Variants in POLN observed in about 807,000 individuals in gnomAD.
POLN encodes the protein DNA polymerase N.
POLN carries 108 observed loss-of-function variants against 113.5 expected under a neutral mutation model. That is an observed-to-expected ratio of 0.95 (90% CI 0.81 to 1.12). The LOEUF (loss-of-function observed/expected upper bound fraction) is 1.12. Ranked by LOEUF, POLN falls within the 50% of genes most tolerant of loss-of-function variation. The pLI is 0.00. For missense variants in POLN, 1,097 were observed against 1,077.1 expected (o/e 1.02, Z -0.26); for synonymous variants, 386 against 391.5 (o/e 0.99, Z 0.17).
intron 13 of POLN, among the ~76,000 whole-genome samples, chr4:2,168,468 G>A (rs940933170): frequency 2.6e-5 from 4 of 152,264 alleles, no homozygotes; most frequent in African/African-American, 2.4e-5. Context: ...AAATCAAAGA[G>A]TGAGGCTAAT....
At chr4:2,200,378 T>A (rs1733682157) in intron 5 of POLN, among the ~76,000 whole-genome samples, 1 of 152,200 alleles carries the variant, frequency 6.6e-6, no homozygotes, top group Admixed American at 6.5e-5. Flanking sequence ...GAGGCTTGCA[T>A]CGTGAACTTT....
At chr4:2,215,682 A>G (rs903079309) in intron 3 of POLN, among the ~76,000 whole-genome samples, 2 of 152,120 alleles carry the variant, frequency 1.3e-5, no homozygotes, top group African/African-American at 4.8e-5. Context: ...GGCATATGGG[A>G]ACCACAGTGC....
At position 2,242,093 on chromosome 4, in the gene POLN, C is replaced by T. The variant is rs1735013666; in HGVS notation, c.-326G>A. On this transcript the variant is annotated 5_prime_UTR_variant, in exon 1 of 26. Coordinates refer to ENST00000511885, the MANE Select transcript of POLN (RefSeq NM_181808.4). ...GCTTCTCGCAGGAGCCCGCCGCCAC[C>T]GCCCTCCGTGCCCCGCGCGCCTCGC... 6 of 985,912 alleles carry T rather than the reference C, an allele frequency of 6.1e-6. No individual in the cohort carries two copies. Among genetic ancestry groups the T allele is most frequent in the Middle Eastern group, 5.2e-4 (1 of 1,918 alleles). 61.1% of individuals were successfully genotyped at this position (985,912 alleles called of 1,614,324 possible).
intron 9 of POLN, 115 bp downstream of exon 9, chr4:2,176,151 T>C: frequency 1.2e-6 from 1 of 828,122 alleles, no homozygotes; most frequent in South Asian, 1.5e-5. Flanking sequence ...TAATTTGTTC[T>C]TAGAACTCAA....
At chr4:2,112,366 G>C (rs1441278973) in intron 19 of POLN, among the ~76,000 whole-genome samples, 1 of 150,904 alleles carries the variant, frequency 6.6e-6, no homozygotes, top group Non-Finnish European at 1.5e-5. Flanking sequence ...AATGGCAACA[G>C]AAGCCAAAAT....
At chr4:2,133,750 C>T (rs1489883953) in intron 16 of POLN, among the ~76,000 whole-genome samples, 1 of 152,128 alleles carries the variant, frequency 6.6e-6, no homozygotes, top group East Asian at 1.9e-4. Context: ...CCCCCTGCCC[C>T]CCAACAACTT....
At chr4:2,215,317 C>T (rs940477288) in intron 3 of POLN, among the ~76,000 whole-genome samples, 8 of 152,078 alleles carry the variant, frequency 5.3e-5, no homozygotes, top group South Asian at 4.1e-4. Flanking sequence ...CAAATCTCCC[C>T]GCTTATGCAC....
At chr4:2,193,850 C>T (rs888479800) in intron 6 of POLN, among the ~76,000 whole-genome samples, 2 of 152,224 alleles carry the variant, frequency 1.3e-5, no homozygotes, top group Non-Finnish European at 2.9e-5. Flanking sequence ...ATTCCCCAGG[C>T]AGGGGGCTGC....
chr4:2,145,401 A>G (rs895370002), intron 16 of POLN, among the ~76,000 whole-genome samples: 1 of 152,216 alleles, frequency 6.6e-6, no homozygotes, highest in Non-Finnish European at 1.5e-5. Context: ...AGATAATTAT[A>G]TAAGGGCACA....
chr4:2,148,966 C>A (rs1316254746), intron 16 of POLN, among the ~76,000 whole-genome samples: 1 of 152,068 alleles, frequency 6.6e-6, no homozygotes, highest in Non-Finnish European at 1.5e-5. Context: ...GCAAAAATAA[C>A]TTTCAAAAAC....
chr4:2,159,092 C>G, intron 14 of POLN, 63 bp downstream of exon 14: 1 of 1,232,346 alleles, frequency 8.1e-7, no homozygotes, highest in African/African-American at 1.5e-5. Flanking sequence ...TGTTGACAGA[C>G]ACAGGGCCAT....
intron 3 of POLN, among the ~76,000 whole-genome samples, chr4:2,220,403 G>C (rs756131399): frequency 1.3e-5 from 2 of 152,184 alleles, no homozygotes; most frequent in African/African-American, 2.4e-5. Context: ...TTCCTACTGA[G>C]TTTCACAAGC....
chr4:2,107,791 G>A (rs1731101450), intron 19 of POLN, among the ~76,000 whole-genome samples: 1 of 152,176 alleles, frequency 6.6e-6, no homozygotes, highest in Admixed American at 6.5e-5. Flanking sequence ...GGGACAGCCA[G>A]GGAAAACTGC....
chr4:2,228,979 G>A (rs1734480503), intron 3 of POLN, 120 bp downstream of exon 3: 3 of 990,430 alleles, frequency 3.0e-6, no homozygotes, highest in East Asian at 2.6e-5. Context: ...CTGAATGAGT[G>A]TAAAAGGGGC....
Position 2,077,164 on chromosome 4 carries a change from G to A in POLN, c.2388-1645C>T, listed in dbSNP as rs758469902. The A allele has an allele frequency of 3.3e-5, 5 of 152,296 alleles. No individual in the cohort carries two copies. In the East Asian group the frequency reaches 7.7e-4, roughly 23 times the overall value. 9.4% of individuals were successfully genotyped at this position (152,296 alleles called of 1,614,324 possible). ...TGACTTTCTCCTTTGCCTGCAAGGT[G>A]TGAGGGCTGGAGCAGCCACCTCCAT... On this transcript the variant is annotated intron_variant, in intron 23 of 25. Transcript: ENST00000511885.
chr4:2,162,453 G>A (rs1012868179), intron 13 of POLN, among the ~76,000 whole-genome samples: 3 of 152,136 alleles, frequency 2.0e-5, no homozygotes, highest in Non-Finnish European at 4.4e-5. Context: ...AACACTCACC[G>A]CGAGGGTCTG....
chr4:2,229,024 T>G, intron 3 of POLN, 75 bp downstream of exon 3: 1 of 1,430,546 alleles, frequency 7.0e-7, no homozygotes, highest in Non-Finnish European at 9.6e-7. Flanking sequence ...ATGCATTCCA[T>G]TTTCAATTCT....
chr4:2,080,898 G>C (rs1021176446), intron 23 of POLN, 60 bp downstream of exon 23: 288 of 1,611,466 alleles, frequency 1.8e-4, no homozygotes, highest in Non-Finnish European at 2.3e-4. Context: ...GCCCCGAGGG[G>C]GTCTTCCCAC....
Position 2,073,026 on chromosome 4 carries a change from A to T in POLN, c.2459T>A (p.Leu820His). 6.2e-7 allele frequency: 1 copy of T among 1,613,380 alleles called. No individual in the cohort carries two copies. Among genetic ancestry groups the T allele is most frequent in the Non-Finnish European group, 8.5e-7 (1 of 1,179,876 alleles). ...EDPQIPECAALVRRTMESLEQ... is the reference protein window; with the variant it reads ...EDPQIPECAAHVRRTMESLEQ... ...CAAGGACTCCATGGTCCTCCTGACG[A>T]GAGCTAGAGTGCGGAAGAGAGAGGA... Residue 820 changes from leucine (L) to histidine (H), a missense_variant, in exon 25 of 26, where the codon CTC becomes CAC. Transcript: ENST00000511885.
Sources: gnomAD v4.1 joint callset for allele counts (sites outside exome capture counted in the v4.1 genomes callset) on GRCh38, gnomAD v4.1.1 for gene constraint, MANE v1.5 for transcripts, NCBI Gene and HGNC (gene_info 2026-07-23, HGNC 2026-07-21) for gene names.